The following C2CD3 variants were observed in gnomAD, a reference collection of about 807,000 sequenced individuals.
C2CD3 encodes C2 domain-containing protein 3.
C2CD3 carries 148 observed loss-of-function variants against 234.0 expected under a neutral mutation model. The ratio of observed to expected loss-of-function variants is 0.63; its 90% confidence interval spans 0.55 to 0.72. The LOEUF is 0.72. Among genes scored for constraint, C2CD3 ranks in the 30% least tolerant of loss-of-function variants. The pLI is 0.00. For synonymous variants in C2CD3, 1,000 were observed against 1,035.4 expected (o/e 0.97, Z 0.66); for missense variants, 2,577 against 2,811.5 (o/e 0.92, Z 1.89).
Position 74,118,263 on chromosome 11 carries a change from A to T in C2CD3, c.1485T>A (p.His495Gln), listed in dbSNP as rs1813012558. The T allele has an allele frequency of 6.2e-7, 1 of 1,613,878 alleles. No individual in the cohort carries two copies. The highest frequency in any genetic ancestry group is 1.7e-5 in the Admixed American group (1 of 59,998). ...RSSKVLESSDHKLKKRSAGKR... is the reference protein window; with the variant it reads ...RSSKVLESSDQKLKKRSAGKR... The stretch of plus-strand genomic sequence containing the variant: ...TGCCTGCTGACCTCTTCTTCAGCTT[A>T]TGATCACTTGACTCCAGAACCTTAG... The change falls in exon 9 of 33, where the codon CAT (histidine) becomes CAA (glutamine). Residue 495 changes from histidine to glutamine, a missense_variant. His to Gln is a conservative substitution (Grantham distance 24, BLOSUM62 0). Transcript: ENST00000334126.
intron 32 of C2CD3, among the ~76,000 whole-genome samples, chr11:74,014,257 C>T (rs1951801233): frequency 6.6e-6 from 1 of 152,144 alleles, no homozygotes; most frequent in Non-Finnish European, 1.5e-5. Context: ...GAGAGCAAGG[C>T]CCTGGGGAAG....
intron 9 of C2CD3, among the ~76,000 whole-genome samples, chr11:74,116,093 G>A (rs979838583): frequency 6.6e-6 from 1 of 152,040 alleles, no homozygotes; most frequent in African/African-American, 2.4e-5. Context: ...GAACCCAAAA[G>A]CAAATGCAAC....
At chr11:74,016,323 T>G (rs896575461) in intron 32 of C2CD3, among the ~76,000 whole-genome samples, 1 of 152,166 alleles carries the variant, frequency 6.6e-6, no homozygotes, top group Admixed American at 6.5e-5. Flanking sequence ...GGAGGTGGGC[T>G]CCAAGATGGG....
chr11:74,159,813 G>A (rs34992004), intron 3 of C2CD3, among the ~76,000 whole-genome samples: 3 of 152,004 alleles, frequency 2.0e-5, no homozygotes, highest in Non-Finnish European at 4.4e-5. Flanking sequence ...TAATGTCCTA[G>A]GCCTTCACAT....
At chr11:74,097,331 T>C in intron 16 of C2CD3, among the ~76,000 whole-genome samples, 1 of 152,158 alleles carries the variant, frequency 6.6e-6, no homozygotes, top group Non-Finnish European at 1.5e-5. Flanking sequence ...ATACTGAGAT[T>C]TGGCTGTACT....
At chr11:74,072,273 C>G (rs2135457903) in intron 24 of C2CD3, among the ~76,000 whole-genome samples, 1 of 152,222 alleles carries the variant, frequency 6.6e-6, no homozygotes, top group East Asian at 1.9e-4. Flanking sequence ...ATGAGAACAT[C>G]AAGGATCATT....
chr11:74,098,159 T>C lies in C2CD3; in HGVS notation c.2829A>G (p.Gln943=). ...CTAAAAAGACTCGAAGACTCCCATT[T>C]TGGTGGCCTGAAAACACATCAATCA... ...MPVIDVFSGH[Q]NGSLRVFLAM... Residue 943 remains glutamine, a synonymous_variant, in exon 16 of 33, where the codon CAA becomes CAG. Coordinates refer to ENST00000334126, the MANE Select transcript of C2CD3 (RefSeq NM_001286577.2). 1 of 1,614,110 alleles carries C rather than the reference T, an allele frequency of 6.2e-7. No individual in the cohort carries two copies. The highest frequency in any genetic ancestry group is 8.5e-7 in the Non-Finnish European group (1 of 1,179,978).
Position 74,037,623 on chromosome 11 carries a change from G to GC in C2CD3, c.5735dup (p.Ser1912ArgfsTer16). 1 of 1,614,138 alleles carries GC rather than the reference G, an allele frequency of 6.2e-7. No homozygotes were observed. The highest frequency in any genetic ancestry group is 8.5e-7 in the Non-Finnish European group (1 of 1,179,998). ...GTGAGATGGCCGTTTGAGTCTGAGGGCTGAGGGGTAGGAAAGGCTTGGTGA... is the reference window on the plus strand; with the variant it reads ...GTGAGATGGCCGTTTGAGTCTGAGGGCCTGAGGGGTAGGAAAGGCTTGGTGA... On this transcript the variant is annotated frameshift_variant, in exon 30 of 33. Coordinates refer to ENST00000334126, the MANE Select transcript of C2CD3 (RefSeq NM_001286577.2). LOFTEE classifies it high-confidence loss of function.
At position 74,098,236 on chromosome 11, in the gene C2CD3, G is replaced by A. The variant is rs1450824388; in HGVS notation, c.2752C>T (p.Leu918=). The change falls in exon 16 of 33, where the codon CTG becomes TTG. Residue 918 remains leucine, a synonymous_variant. Transcript: ENST00000334126. ...MSFKDAKISR[L]LLDAQYPVVA... ...ACTGGGTACTGGGCATCCAGCAGCA[G>A]GCGAGAAATCTTAGCATCTCTAGAG... 2 of 1,613,980 alleles carry A rather than the reference G, an allele frequency of 1.2e-6. No homozygotes were observed. The highest frequency in any genetic ancestry group is 1.3e-5 in the African/African-American group (1 of 74,924).
intron 16 of C2CD3, 86 bp from the exon 17 acceptor site, chr11:74,095,494 A>C: frequency 1.0e-6 from 1 of 993,900 alleles, no homozygotes; most frequent in Non-Finnish European, 1.5e-6. Context: ...CTGAGTATAG[A>C]TAAAGAGATA....
rs1957979154 is a variant in C2CD3 at position 74,139,614 on chromosome 11, G to A, written c.698C>T (p.Thr233Ile). The A allele has an allele frequency of 1.2e-6, 2 of 1,610,330 alleles. No individual in the cohort carries two copies. Among genetic ancestry groups the A allele is most frequent in the Non-Finnish European group, 1.7e-6 (2 of 1,176,764 alleles). Reference sequence around the variant, plus strand: ...TAGGTATGGTAATTACCTCGGAGTGGTTGATCTACTGCTGTTGGCTGCTAA... The same window carrying A: ...TAGGTATGGTAATTACCTCGGAGTGATTGATCTACTGCTGTTGGCTGCTAA... ...KELAANSSRS[T>I]TPRGKDHVCF... Residue 233 changes from threonine (T) to isoleucine (I), a missense_variant, in exon 4 of 33, where the codon ACC becomes ATC. Thr to Ile is a moderately conservative substitution (Grantham distance 89, BLOSUM62 -1). Coordinates refer to ENST00000334126, the MANE Select transcript of C2CD3 (RefSeq NM_001286577.2).
At chr11:74,132,580 T>A (rs1957711322) in intron 7 of C2CD3, among the ~76,000 whole-genome samples, 1 of 152,224 alleles carries the variant, frequency 6.6e-6, no homozygotes, top group Non-Finnish European at 1.5e-5. Flanking sequence ...GCTCTTTTCA[T>A]CATACCATGT....
intron 32 of C2CD3, among the ~76,000 whole-genome samples, chr11:74,024,407 G>A (rs1312127622): frequency 6.6e-6 from 1 of 152,204 alleles, no homozygotes; most frequent in Non-Finnish European, 1.5e-5. Context: ...AAGTTTTTCA[G>A]GCTGAAGGGA....
At position 74,099,279 on chromosome 11, in the gene C2CD3, T is replaced by C. The variant is rs1013685629; in HGVS notation, c.2733-1024A>G. ...CAGCTGTTCACAGAAGGCATATCCA[T>C]GTATTTTCTCTCTAGATCTTCACGA... On this transcript the variant is annotated intron_variant, in intron 15 of 32. Coordinates refer to ENST00000334126, the MANE Select transcript of C2CD3 (RefSeq NM_001286577.2). Among the ~76,000 whole-genome samples, 6 of 152,260 alleles carry C rather than the reference T, an allele frequency of 3.9e-5. No individual in the cohort carries two copies. The East Asian group carries it at 1.2e-3, about 29-fold the overall frequency.
In C2CD3 at chr11:74,100,636, A is replaced by G. The variant is rs1036887650; in HGVS notation, c.2621T>C (p.Leu874Pro). 14 of 1,613,936 alleles carry G rather than the reference A, an allele frequency of 8.7e-6. No individual in the cohort carries two copies. In the Admixed American group the frequency reaches 1.3e-4, roughly 15 times the overall value. The change falls in exon 15 of 33, where the codon CTT becomes CCT. Residue 874 changes from leucine to proline, a missense_variant. Physicochemically the swap from Leu to Pro is moderately conservative, Grantham distance 98. Coordinates refer to ENST00000334126, the MANE Select transcript of C2CD3 (RefSeq NM_001286577.2). ...TTCAATTACCATCACATTGTTCTTA[A>G]GCCTTTCCAGGTATTTGGAAGACAG... ...VSLSSKYLER[L>P]KNNVMVIETW...
intron 3 of C2CD3, among the ~76,000 whole-genome samples, chr11:74,154,261 C>T (rs1218467138): frequency 6.6e-6 from 1 of 151,654 alleles, no homozygotes; most frequent in Non-Finnish European, 1.5e-5. Context: ...GATCGATAAA[C>T]CTGATTTCAT....
At chr11:74,114,683 G>A in intron 9 of C2CD3, 90 bp from the exon 10 acceptor site, 1 of 839,260 alleles carries the variant, frequency 1.2e-6, no homozygotes, top group Non-Finnish European at 2.0e-6. Context: ...AGGAAAAAGG[G>A]AGGGCAGCAA....
At chr11:74,118,905 ATTTT>A (rs1228553220) in intron 8 of C2CD3, among the ~76,000 whole-genome samples, 1 of 127,926 alleles carries the variant, frequency 7.8e-6, no homozygotes, top group Non-Finnish European at 1.6e-5. Flanking sequence ...TGGATAGACT[ATTTT>A]TTTTTTTTTT....
intron 28 of C2CD3, among the ~76,000 whole-genome samples, chr11:74,046,245 C>T (rs1252074029): frequency 2.0e-5 from 3 of 152,184 alleles, no homozygotes; most frequent in African/African-American, 7.2e-5. Context: ...CCTCCTTATC[C>T]ACCCTGCCTT....
Sources: gnomAD v4.1 joint callset for allele counts (sites outside exome capture counted in the v4.1 genomes callset) on GRCh38, gnomAD v4.1.1 for gene constraint, MANE v1.5 for transcripts, NCBI Gene and HGNC (gene_info 2026-07-23, HGNC 2026-07-21) for gene names.